The following SLC35F3 variants were observed in gnomAD, a reference collection of about 807,000 sequenced individuals.
SLC35F3 encodes the protein solute carrier family 35 member F3.
SLC35F3 carries 25 observed loss-of-function variants against 49.9 expected under a neutral mutation model. The ratio of observed to expected loss-of-function variants is 0.50; its 90% CI spans 0.37 to 0.70. SLC35F3 has a LOEUF of 0.70. Among genes scored for constraint, SLC35F3 ranks in the 30% least tolerant of loss-of-function variants. The pLI is 0.00. For synonymous variants in SLC35F3, 275 were observed against 265.4 expected (o/e 1.04, Z -0.35); for missense variants, 525 against 639.8 (o/e 0.82, Z 1.94).
chr1:234,252,893 C>G (rs902931823), intron 3 of SLC35F3, among the ~76,000 whole-genome samples: 32 of 152,142 alleles, frequency 2.1e-4, no homozygotes, highest in Non-Finnish European at 1.0e-4. Context: ...AGAGGATGTA[C>G]AAGCAAGCAT....
At chr1:234,014,748 T>A (rs747915176) in intron 2 of SLC35F3, among the ~76,000 whole-genome samples, 1 of 151,758 alleles carries the variant, frequency 6.6e-6, no homozygotes, top group Non-Finnish European at 1.5e-5. Context: ...CAAAATAAAA[T>A]GCATAGGAAT....
At chr1:233,925,240 G>T (rs1238953521) in intron 2 of SLC35F3, among the ~76,000 whole-genome samples, 1 of 152,182 alleles carries the variant, frequency 6.6e-6, no homozygotes, top group African/African-American at 2.4e-5. Flanking sequence ...GGGTGTTAAA[G>T]TCTCCCATTA....
chr1:234,208,946 T>A (rs146680901), intron 2 of SLC35F3, among the ~76,000 whole-genome samples: 62 of 152,306 alleles, frequency 4.1e-4, no homozygotes, highest in Middle Eastern at 3.4e-3. Flanking sequence ...GATCCTTGGC[T>A]TTGATGAGCA....
At chr1:234,083,879 C>T (rs1664919608) in intron 2 of SLC35F3, among the ~76,000 whole-genome samples, 1 of 151,076 alleles carries the variant, frequency 6.6e-6, no homozygotes, top group Non-Finnish European at 1.5e-5. Context: ...CTCTTGTTGC[C>T]CAGGCTGGAG....
intron 4 of SLC35F3, among the ~76,000 whole-genome samples, chr1:234,309,644 G>A (rs1332674625): frequency 1.3e-5 from 2 of 152,214 alleles, no homozygotes; most frequent in East Asian, 1.9e-4. Flanking sequence ...TGCTCACCCC[G>A]TCTCTCATGG....
intron 2 of SLC35F3, among the ~76,000 whole-genome samples, chr1:234,000,257 T>C (rs1253412911): frequency 1.3e-5 from 2 of 152,220 alleles, no homozygotes; most frequent in Non-Finnish European, 2.9e-5. Flanking sequence ...ATGTATGTAG[T>C]TAGTTAGGAT....
intron 2 of SLC35F3, among the ~76,000 whole-genome samples, chr1:234,183,776 G>A (rs1468099984): frequency 2.8e-5 from 4 of 142,564 alleles, no homozygotes; most frequent in Non-Finnish European, 6.0e-5. Context: ...ATTTTCATAC[G>A]ACTTCTGGTT....
intron 2 of SLC35F3, among the ~76,000 whole-genome samples, chr1:234,005,647 T>G (rs1663617790): frequency 1.3e-5 from 2 of 152,228 alleles, no homozygotes; most frequent in Non-Finnish European, 2.9e-5. Context: ...TCTATGCATA[T>G]GCTAATTTGG....
At chr1:233,948,228 GGAGAGAGA>G (rs150190453) in intron 2 of SLC35F3, among the ~76,000 whole-genome samples, 5 of 107,618 alleles carry the variant, frequency 4.6e-5, no homozygotes, top group Non-Finnish European at 9.5e-5. Flanking sequence ...AGGGAGAGAG[GGAGAGAGA>G]GAGAGAGAGA....
chr1:233,985,124 C>T (rs1663246461), intron 2 of SLC35F3, among the ~76,000 whole-genome samples: 1 of 152,144 alleles, frequency 6.6e-6, no homozygotes. Flanking sequence ...CTCAACGGCC[C>T]TTAAAGGACA....
rs143146630 is a variant in SLC35F3, at chr1:234,013,183, C to T, written c.283+107425C>T. ...ACTAGAAATCAATAACAGGAGAAAT[C>T]TTGGAAAATTTACAAAGGAGTAAAA... is the stretch of plus-strand genomic sequence containing the variant. On this transcript the variant is annotated intron_variant, in intron 2 of 7. Transcript: ENST00000366618. Among the ~76,000 whole-genome samples, 362 of 152,204 alleles carry T rather than the reference C, an allele frequency of 2.4e-3. 5 individuals carry two copies. Among genetic ancestry groups the T allele is most frequent in the African/African-American group, 8.2e-3 (342 of 41,526 alleles).
At chr1:233,963,206 C>T (rs2102812634) in intron 2 of SLC35F3, among the ~76,000 whole-genome samples, 1 of 152,214 alleles carries the variant, frequency 6.6e-6, no homozygotes. Context: ...GTACTTCTGC[C>T]TTTCACATAT....
chr1:234,264,100 C>A (rs189376220), intron 3 of SLC35F3, among the ~76,000 whole-genome samples: 3 of 152,284 alleles, frequency 2.0e-5, no homozygotes, highest in Non-Finnish European at 4.4e-5. Context: ...CAGAGCAAAA[C>A]TCTGTCTTAA....
chr1:234,114,858 G>A (rs1490109862), intron 2 of SLC35F3, among the ~76,000 whole-genome samples: 2 of 151,998 alleles, frequency 1.3e-5, no homozygotes, highest in Non-Finnish European at 2.9e-5. Context: ...CTTGAGATGC[G>A]GCGTGCATTT....
chr1:233,938,862 C>T (rs1369362277), intron 2 of SLC35F3, among the ~76,000 whole-genome samples: 1 of 152,140 alleles, frequency 6.6e-6, no homozygotes. Context: ...AAAAACTTAT[C>T]AGAAAGCAGT....
chr1:234,159,921 G>C (rs1020346455), intron 2 of SLC35F3, among the ~76,000 whole-genome samples: 1 of 152,134 alleles, frequency 6.6e-6, no homozygotes, highest in African/African-American at 2.4e-5. Context: ...TAAGATTTTA[G>C]ACCTGTATAT....
intron 2 of SLC35F3, among the ~76,000 whole-genome samples, chr1:234,029,235 G>C (rs887901570): frequency 6.6e-6 from 1 of 152,136 alleles, no homozygotes; most frequent in East Asian, 1.9e-4. Context: ...ACAGAGAGAC[G>C]ATGTAGACAC....
At chr1:234,035,145 C>T (rs1664122021) in intron 2 of SLC35F3, among the ~76,000 whole-genome samples, 1 of 152,126 alleles carries the variant, frequency 6.6e-6, no homozygotes, top group African/African-American at 2.4e-5. Context: ...GGGATTGTTC[C>T]CTTATTTGGT....
chr1:234,154,508 T>G (rs943997995), intron 2 of SLC35F3, among the ~76,000 whole-genome samples: 3 of 152,234 alleles, frequency 2.0e-5, no homozygotes, highest in Non-Finnish European at 2.9e-5. Context: ...TGCTTCCAAG[T>G]CTAAGCCGGA....
Sources: allele counts gnomAD v4.1 joint callset (sites outside exome capture counted in the v4.1 genomes callset), GRCh38; gene constraint gnomAD v4.1.1; transcripts MANE v1.5; gene names NCBI Gene and HGNC (gene_info 2026-07-23, HGNC 2026-07-21).